Variants in MMS22L observed in about 807,000 individuals in gnomAD.
MMS22L encodes protein MMS22-like.
MMS22L carries 74 observed loss-of-function variants against 159.1 expected under a neutral mutation model. The observed-to-expected ratio is 0.47, with a 90% CI of 0.39 to 0.56. The LOEUF (loss-of-function observed/expected upper bound fraction) is 0.56, where lower values mean the gene tolerates loss of function less well. Ranked by LOEUF, MMS22L falls within the 20% of genes least tolerant of loss-of-function variation. The probability of loss-of-function intolerance (pLI) is 0.00; values close to 1 mark genes in which losing one functional copy is unlikely to be tolerated. For missense variants in MMS22L, 1,351 were observed against 1,422.1 expected, an observed-to-expected ratio of 0.95 and a Z score of 0.80; for synonymous variants, 517 against 506.9, an observed-to-expected ratio of 1.02 and a Z score of -0.27.
intron 14 of MMS22L, among the ~76,000 whole-genome samples, chr6:97,195,939 G>A (rs1282547767): frequency 6.6e-6 from 1 of 152,180 alleles, no homozygotes; most frequent in African/African-American, 2.4e-5. Flanking sequence ...GCCTGTCATT[G>A]CCAAATTTTG....
At chr6:97,185,588 A>C (rs1420627457) in intron 15 of MMS22L, among the ~76,000 whole-genome samples, 1 of 152,130 alleles carries the variant, frequency 6.6e-6, no homozygotes, top group African/African-American at 2.4e-5. Flanking sequence ...CAGTAGTTGG[A>C]AAATTGTTGT....
In MMS22L at chr6:97,241,366, A is replaced by C. The variant is rs1328703066; in HGVS notation, c.1182+5262T>G. Among the ~76,000 whole-genome samples the C allele has an allele frequency of 3.3e-5, 5 of 152,248 alleles. No individual in the cohort carries two copies. In the East Asian group the frequency reaches 9.6e-4, roughly 29 times the overall value. On this transcript the variant is annotated intron_variant, in intron 11 of 24. Transcript: ENST00000683635. ...TGTTAGATCTTCTTTTAGTTCTCTAAGGAATATCCATAATGTTTTCCACAG... is the reference window on the plus strand; with the variant it reads ...TGTTAGATCTTCTTTTAGTTCTCTACGGAATATCCATAATGTTTTCCACAG...
At chr6:97,149,815 C>A in intron 24 of MMS22L, 38 bp downstream of exon 24, 1 of 1,502,894 alleles carries the variant, frequency 6.7e-7, no homozygotes. Context: ...ATTTTATAAT[C>A]ACTGCCCCCC....
At chr6:97,149,553 G>A (rs1306670079) in intron 24 of MMS22L, among the ~76,000 whole-genome samples, 2 of 152,156 alleles carry the variant, frequency 1.3e-5, no homozygotes, top group Non-Finnish European at 2.9e-5. Context: ...ACTTCCCAAT[G>A]AGGAACACTG....
intron 11 of MMS22L, among the ~76,000 whole-genome samples, chr6:97,235,083 T>C (rs1811253858): frequency 6.6e-6 from 1 of 152,156 alleles, no homozygotes; most frequent in African/African-American, 2.4e-5. Context: ...AACACTGCTC[T>C]GGATTATACA....
intron 14 of MMS22L, among the ~76,000 whole-genome samples, chr6:97,204,624 C>T: frequency 6.6e-6 from 1 of 151,888 alleles, no homozygotes; most frequent in Non-Finnish European, 1.5e-5. Flanking sequence ...GACCCAACCT[C>T]TAAAAATATT....
At position 97,172,458 on chromosome 6, in the gene MMS22L, T is replaced by C. The variant is rs184849081; in HGVS notation, c.2839+605A>G. Reference sequence around the variant, plus strand: ...AACTTCTAAGGAAATCTTTCTCATTTACCTTTATCCAATTCCTAGTTTTGG... The same window carrying C: ...AACTTCTAAGGAAATCTTTCTCATTCACCTTTATCCAATTCCTAGTTTTGG... On this transcript the variant is annotated intron_variant, in intron 19 of 24. Coordinates refer to ENST00000683635, the MANE Select transcript of MMS22L (RefSeq NM_001350599.2). Among the ~76,000 whole-genome samples the C allele has an allele frequency of 9.5e-4, 145 of 152,276 alleles. 7 individuals are homozygous for C. In the East Asian group the frequency reaches 0.017, roughly 18 times the overall value.
At chr6:97,183,149 T>C (rs948483767) in intron 15 of MMS22L, among the ~76,000 whole-genome samples, 1 of 152,122 alleles carries the variant, frequency 6.6e-6, no homozygotes, top group Non-Finnish European at 1.5e-5. Context: ...AAACTAGCTT[T>C]CCAACTTTCC....
At chr6:97,275,928 C>G (rs1437674404) in intron 4 of MMS22L, among the ~76,000 whole-genome samples, 1 of 151,826 alleles carries the variant, frequency 6.6e-6, no homozygotes, top group Admixed American at 6.6e-5. Context: ...TGCTTGAGCC[C>G]AGGAGGTCAA....
intron 15 of MMS22L, among the ~76,000 whole-genome samples, chr6:97,182,979 T>C (rs376461657): frequency 2.6e-5 from 4 of 152,102 alleles, no homozygotes; most frequent in East Asian, 3.9e-4. Context: ...TTTTCTCCAG[T>C]GTCATGGACT....
At chr6:97,262,055 C>T (rs1814533597) in intron 9 of MMS22L, 1 of 152,150 alleles carries the variant, frequency 6.6e-6, no homozygotes, top group South Asian at 2.1e-4. Flanking sequence ...GTTTTCCTTA[C>T]AAATCTAGTT....
At chr6:97,183,989 T>A (rs147493368) in intron 15 of MMS22L, among the ~76,000 whole-genome samples, 6 of 152,264 alleles carry the variant, frequency 3.9e-5, no homozygotes, top group African/African-American at 1.4e-4. Flanking sequence ...AAAAGATTAA[T>A]CTAAATTTGC....
At chr6:97,271,172 TTTTTA>T (rs1424396681) in intron 6 of MMS22L, 3 of 152,128 alleles carry the variant, frequency 2.0e-5, no homozygotes, top group African/African-American at 7.2e-5. Flanking sequence ...TGAAAGATGC[TTTTTA>T]TTTTATTATG....
At chr6:97,245,564 A>G (rs993254181) in intron 11 of MMS22L, among the ~76,000 whole-genome samples, 2 of 152,180 alleles carry the variant, frequency 1.3e-5, no homozygotes. Context: ...ATGTTCTCAA[A>G]AAAAATGAGG....
intron 14 of MMS22L, among the ~76,000 whole-genome samples, chr6:97,202,264 T>C (rs1225410586): frequency 6.6e-6 from 1 of 152,200 alleles, no homozygotes; most frequent in Admixed American, 6.5e-5. Flanking sequence ...CTAGCATAGA[T>C]TTCATACAGA....
intron 14 of MMS22L, among the ~76,000 whole-genome samples, chr6:97,190,267 C>T (rs1582539216): frequency 6.6e-6 from 1 of 152,130 alleles, no homozygotes; most frequent in Middle Eastern, 3.4e-3. Flanking sequence ...CATTATTTAC[C>T]TTCTTCAACA....
At chr6:97,274,609 A>G (rs1816073307) in intron 4 of MMS22L, among the ~76,000 whole-genome samples, 1 of 152,164 alleles carries the variant, frequency 6.6e-6, no homozygotes, top group East Asian at 1.9e-4. Context: ...CCAGGCTTCA[A>G]TATGAGGAAG....
chr6:97,176,350 C>T (rs1230897718), intron 18 of MMS22L, among the ~76,000 whole-genome samples: 3 of 152,018 alleles, frequency 2.0e-5, no homozygotes, highest in Non-Finnish European at 4.4e-5. Context: ...TTAGGCTTAA[C>T]TTCCCTAGCC....
intron 14 of MMS22L, among the ~76,000 whole-genome samples, chr6:97,192,283 G>A (rs17565540): frequency 0.027 from 4,051 of 152,168 alleles, 86 homozygotes; most frequent in Middle Eastern, 0.058. Flanking sequence ...CACAGCAGTG[G>A]CAATGATGCT....
Sources: allele counts gnomAD v4.1 joint callset (sites outside exome capture counted in the v4.1 genomes callset), GRCh38; gene constraint gnomAD v4.1.1; transcripts MANE v1.5; gene names NCBI Gene and HGNC (gene_info 2026-07-23, HGNC 2026-07-21).